Variants in ESR1 observed in about 807,000 individuals in gnomAD.
The protein encoded by ESR1 is estrogen receptor.
ESR1 carries 12 observed loss-of-function variants against 52.7 expected under a neutral mutation model. That is an observed-to-expected ratio of 0.23 (90% confidence interval 0.15 to 0.37). The LOEUF (loss-of-function observed/expected upper bound fraction) is 0.37. Among genes scored for constraint, ESR1 ranks in the 10% least tolerant of loss-of-function variants. The pLI is 1.00. For synonymous variants in ESR1, 305 were observed against 316.8 expected (o/e 0.96, Z 0.39); for missense variants, 584 against 779.7 (o/e 0.75, Z 2.99).
At chr6:151,717,940 G>C (rs549170019) in intron 2 of ESR1, among the ~76,000 whole-genome samples, 103 of 152,192 alleles carry the variant, frequency 6.8e-4, no homozygotes, top group Middle Eastern at 6.8e-3. Flanking sequence ...AAGGTGCTGG[G>C]GAGTGTGGAG....
chr6:151,746,835 C>A (rs538281921), intron 2 of ESR1, among the ~76,000 whole-genome samples: 1 of 152,318 alleles, frequency 6.6e-6, no homozygotes, highest in Admixed American at 6.5e-5. Context: ...CTGGCCATTG[C>A]CAGCTGCATG....
At chr6:152,071,426 C>G (rs12199102) in intron 6 of ESR1, among the ~76,000 whole-genome samples, 1 of 152,048 alleles carries the variant, frequency 6.6e-6, no homozygotes, top group Non-Finnish European at 1.5e-5. Flanking sequence ...ATTCCAAGAT[C>G]AAATCCCTTT....
upstream of ESR1, among the ~76,000 whole-genome samples, chr6:151,801,968 T>C (rs1391663356): frequency 6.6e-6 from 1 of 152,216 alleles, no homozygotes; most frequent in Non-Finnish European, 1.5e-5. Flanking sequence ...CAGATGGTGA[T>C]AGAAGTCAGG....
chr6:151,847,840 C>T (rs927805656), intron 2 of ESR1, among the ~76,000 whole-genome samples: 3 of 151,148 alleles, frequency 2.0e-5, no homozygotes, highest in Non-Finnish European at 4.4e-5. Context: ...AATGGTAATT[C>T]CTAGGTTTTC....
chr6:152,034,858 T>C (rs561069922), intron 5 of ESR1, among the ~76,000 whole-genome samples: 3 of 152,350 alleles, frequency 2.0e-5, no homozygotes, highest in Non-Finnish European at 4.4e-5. Flanking sequence ...TTCATCACTG[T>C]AAAGACTCTG....
At chr6:152,120,316 G>A (rs2051283308) in intron 6 of ESR1, among the ~76,000 whole-genome samples, 1 of 152,184 alleles carries the variant, frequency 6.6e-6, no homozygotes, top group African/African-American at 2.4e-5. Flanking sequence ...CCTGAAGAGT[G>A]CTCCATCTCA....
At chr6:151,737,383 G>A (rs1782760623) in intron 2 of ESR1, among the ~76,000 whole-genome samples, 1 of 152,086 alleles carries the variant, frequency 6.6e-6, no homozygotes, top group African/African-American at 2.4e-5. Flanking sequence ...ATTAATGCAA[G>A]CAATGAACAA....
At chr6:151,685,557 G>T (rs547268861), upstream of ESR1, among the ~76,000 whole-genome samples, 62 of 152,314 alleles carry the variant, frequency 4.1e-4, no homozygotes, top group African/African-American at 1.4e-3. Context: ...TTGAGACCTT[G>T]CTTCCTGCTG....
intron 4 of ESR1, among the ~76,000 whole-genome samples, chr6:151,976,956 G>T (rs2039495711): frequency 6.6e-6 from 1 of 152,056 alleles, no homozygotes; most frequent in African/African-American, 2.4e-5. Context: ...TGAGGTTTTT[G>T]AAGTCTTTAA....
chr6:151,955,889 C>A (rs757892669), intron 4 of ESR1, among the ~76,000 whole-genome samples: 4 of 151,972 alleles, frequency 2.6e-5, no homozygotes, highest in Non-Finnish European at 5.9e-5. Context: ...CCCTCCCTCA[C>A]GTAGGCCCAG....
intron 1 of ESR1, among the ~76,000 whole-genome samples, chr6:151,832,849 T>G (rs1366797337): frequency 6.6e-6 from 1 of 152,168 alleles, no homozygotes; most frequent in Non-Finnish European, 1.5e-5. Flanking sequence ...AGAATTTTAG[T>G]CATTCCACAA....
At chr6:152,056,944 C>T (rs886465281) in intron 5 of ESR1, among the ~76,000 whole-genome samples, 15 of 152,156 alleles carry the variant, frequency 9.9e-5, no homozygotes, top group Admixed American at 8.5e-4. Context: ...TTGTCTTTTA[C>T]AGTCATGTTA....
At chr6:151,702,652 A>G (rs1379503887) in intron 2 of ESR1, among the ~76,000 whole-genome samples, 1 of 152,248 alleles carries the variant, frequency 6.6e-6, no homozygotes, top group African/African-American at 2.4e-5. Context: ...TAGCAGTTTC[A>G]CAAGGGAAAA....
At chr6:151,772,345 A>T (rs1562393233) in intron 2 of ESR1, among the ~76,000 whole-genome samples, 1 of 152,198 alleles carries the variant, frequency 6.6e-6, no homozygotes, top group Non-Finnish European at 1.5e-5. Context: ...TGATTACACC[A>T]TAAAACAATG....
chr6:151,947,228 A>T (rs1220543142), intron 4 of ESR1, among the ~76,000 whole-genome samples: 1 of 152,180 alleles, frequency 6.6e-6, no homozygotes, highest in African/African-American at 2.4e-5. Flanking sequence ...TTGAGGTGGG[A>T]GAATTGCTTG....
At chr6:151,721,061 A>T (rs1342430113) in intron 2 of ESR1, among the ~76,000 whole-genome samples, 1 of 152,252 alleles carries the variant, frequency 6.6e-6, no homozygotes, top group African/African-American at 2.4e-5. Flanking sequence ...GATTGAAATA[A>T]GTCTTACATT....
intron 1 of ESR1, among the ~76,000 whole-genome samples, chr6:151,683,099 C>T (rs529623829): frequency 6.6e-6 from 1 of 152,252 alleles, no homozygotes; most frequent in Non-Finnish European, 1.5e-5. Flanking sequence ...TATGTCAATA[C>T]TGGGCTGCTT....
Position 151,879,148 on chromosome 6 carries a change from C to T in ESR1, c.644-1507C>T, listed in dbSNP as rs569190170. On this transcript the variant is annotated intron_variant, in intron 2 of 7. Coordinates refer to ENST00000206249, the MANE Select transcript of ESR1 (RefSeq NM_000125.4). ...AGGAAATTGAATCTGTAAACAATAC[C>T]GGGAGGCTGCAGCCTGAGAGGCAGA... 2.6e-5 allele frequency among the ~76,000 whole-genome samples: 4 copies of T among 152,104 alleles called. No homozygotes were observed. In the East Asian group the frequency reaches 5.8e-4, roughly 22 times the overall value.
At chr6:152,112,021 T>C (rs1056432486) in intron 6 of ESR1, among the ~76,000 whole-genome samples, 5 of 152,180 alleles carry the variant, frequency 3.3e-5, no homozygotes, top group Non-Finnish European at 7.3e-5. Context: ...TAAAGAAACG[T>C]GTATAAAGAA....
Sources: allele counts gnomAD v4.1 joint callset (sites outside exome capture counted in the v4.1 genomes callset), GRCh38; gene constraint gnomAD v4.1.1; transcripts MANE v1.5; gene names NCBI Gene and HGNC (gene_info 2026-07-23, HGNC 2026-07-21).